The following IGSF8 variants were observed in gnomAD, a reference collection of about 807,000 sequenced individuals.
IGSF8 encodes immunoglobulin superfamily member 8.
Under a neutral mutation model 55.5 loss-of-function variants are expected in IGSF8, and 46 were observed. The observed-to-expected ratio is 0.83, with a 90% CI of 0.65 to 1.06. IGSF8 has a LOEUF of 1.06. Among genes scored for constraint, IGSF8 ranks in the 50% least tolerant of loss-of-function variants. IGSF8 has a pLI of 0.00. For synonymous variants in IGSF8, 314 were observed against 356.1 expected, an observed-to-expected ratio of 0.88 and a Z score of 1.33; for missense variants, 731 against 832.3, an observed-to-expected ratio of 0.88 and a Z score of 1.50.
chr1:160,095,733 C>T (rs1316615312), intron 1 of IGSF8, among the ~76,000 whole-genome samples: 1 of 152,244 alleles, frequency 6.6e-6, no homozygotes, highest in African/African-American at 2.4e-5. Context: ...AGCTGTGTCA[C>T]CTGGGCGAGA....
intron 3 of IGSF8, 72 bp downstream of exon 3, chr1:160,093,638 C>T (rs1210682265): frequency 3.2e-6 from 4 of 1,246,420 alleles, no homozygotes; most frequent in Non-Finnish European, 3.4e-6. Flanking sequence ...TCTGGTACCC[C>T]CTGTGGCCAC....
rs1398209515 is a variant in IGSF8 at position 160,095,119 on chromosome 1, C to A, written c.192G>T (p.Trp64Cys). 1.2e-6 allele frequency: 2 copies of A among 1,613,976 alleles called. No homozygotes were observed. The highest frequency in any genetic ancestry group is 3.3e-5 in the Admixed American group (2 of 60,010). The change falls in exon 2 of 7, where the codon TGG (tryptophan) becomes TGT (cysteine). Residue 64 changes from tryptophan (W) to cysteine (C), a missense_variant. By Grantham distance (215) the Trp-to-Cys change is radical (BLOSUM62 -2). Coordinates refer to ENST00000314485, the MANE Select transcript of IGSF8 (RefSeq NM_052868.6). ...YEGPAQQNFE[W>C]FLYRPEAPDT... is the part of the protein sequence containing the mutation. ...CTGGGGCCTCGGGCCTATACAGGAA[C>A]CACTCGAAGTTCTGCTGGGCAGGGC...
Position 160,094,908 on chromosome 1 carries a change from G to C in IGSF8, c.403C>G (p.Arg135Gly). The C allele has an allele frequency of 6.2e-7, 1 of 1,613,880 alleles. No individual in the cohort carries two copies. The highest frequency in any genetic ancestry group is 8.5e-7 in the Non-Finnish European group (1 of 1,179,938). Residue 135 changes from arginine (R) to glycine (G), a missense_variant, in exon 2 of 7, where the codon CGC (arginine) becomes GGC (glycine). Coordinates refer to ENST00000314485, the MANE Select transcript of IGSF8 (RefSeq NM_052868.6). The surrounding 1 kb of genome is among the most constrained non-coding windows in gnomAD (Gnocchi z 4.0). ...TTGCCGCTGTAGCTGCCCAGGTAGC[G>C]GGTATCAGTGGAGGGGGTGTGGCAC... ...YECHTPSTDT[R>G]YLGSYSGKVE...
chr1:160,098,047 C>T, intron 1 of IGSF8: 1 of 909,412 alleles, frequency 1.1e-6, no homozygotes, highest in South Asian at 5.1e-5. Flanking sequence ...GGCGGGCACC[C>T]AAGGCCAGGC....
rs974028877 is a variant in IGSF8, at chr1:160,094,419, C to G, written c.443-248G>C. On this transcript the variant is annotated intron_variant, in intron 2 of 6. Transcript: ENST00000314485. The surrounding 1 kb of genome is among the most constrained non-coding windows in gnomAD (Gnocchi z 4.0). ...ACTCACCCTTATGTTTGAGACTGAC[C>G]TCTGTTTGAAATACTGAGAAAAGCG... 2.0e-5 allele frequency among the ~76,000 whole-genome samples: 3 copies of G among 152,176 alleles called. No homozygotes were observed. Among genetic ancestry groups the G allele is most frequent in the Non-Finnish European group, 2.9e-5 (2 of 68,036 alleles).
In IGSF8 at chr1:160,094,025, GTGTGTGCTTC is replaced by G. The variant is rs751452126; in HGVS notation, c.579_588del (p.Gln193HisfsTer61). ...GATCGCCCAAAGGACACTGCCAGGT[GTGTGTGCTTC>G]TGTGTGCTTGTCCTCGCCAGGCAGC... On this transcript the variant is annotated frameshift_variant, in exon 3 of 7. Coordinates refer to ENST00000314485, the MANE Select transcript of IGSF8 (RefSeq NM_052868.6). LOFTEE classifies it high-confidence loss of function. This position sits in a 1 kb window ranked among gnomAD's most constrained non-coding sequence, Gnocchi z 4.0. 5 of 1,614,186 alleles carry G rather than the reference GTGTGTGCTTC, an allele frequency of 3.1e-6. No individual in the cohort carries two copies. The highest frequency in any genetic ancestry group is 3.4e-6 in the Non-Finnish European group (4 of 1,180,048).
In IGSF8 at chr1:160,095,214, G is replaced by A; in HGVS notation, c.97C>T (p.Pro33Ser). 3 of 1,606,164 alleles carry A rather than the reference G, an allele frequency of 1.9e-6. No individual in the cohort carries two copies. Among genetic ancestry groups the A allele is most frequent in the Non-Finnish European group, 1.7e-6 (2 of 1,179,694 alleles). Residue 33 changes from proline (P) to serine (S), a missense_variant, in exon 2 of 7, where the codon CCC becomes TCC. Physicochemically the swap from Pro to Ser is moderately conservative, Grantham distance 74. Coordinates refer to ENST00000314485, the MANE Select transcript of IGSF8 (RefSeq NM_052868.6). The part of the protein sequence containing the change: ...MGCWAREVLV[P>S]EGPLYRVAGT... The stretch of plus-strand genomic sequence containing the variant: ...GCCACGCGGTACAAGGGCCCCTCGG[G>A]GACCAGCACCTCCCGGGCCCAGCAT...
Position 160,093,990 on chromosome 1 carries a change from C to A in IGSF8, c.624G>T (p.Glu208Asp), listed in dbSNP as rs1203147732. The A allele has an allele frequency of 1.2e-6, 2 of 1,614,260 alleles. No homozygotes were observed. ...GCAGAGTTGACCGCCCAACTGGTGC[C>A]TCGGGCACAGATCGCCCAAAGGACA... ...LAVSFGRSVP[E>D]APVGRSTLQE... The change falls in exon 3 of 7, where the codon GAG becomes GAT. Residue 208 changes from glutamate (E) to aspartate (D), a missense_variant. Transcript: ENST00000314485.
Position 160,095,228 on chromosome 1 carries a change from C to T in IGSF8, c.83G>A (p.Arg28Gln), listed in dbSNP as rs1436974059. ...LLMLGMGCWA[R>Q]EVLVPEGPLY... ...GGGCCCCTCGGGGACCAGCACCTCC[C>T]GGGCCCAGCATCCCATTCCTGTAGG... Residue 28 changes from arginine to glutamine, a missense_variant, in exon 2 of 7, where the codon CGG becomes CAG. Physicochemically the swap from Arg to Gln is conservative, Grantham distance 43. Coordinates refer to ENST00000314485, the MANE Select transcript of IGSF8 (RefSeq NM_052868.6). 8.1e-6 allele frequency: 13 copies of T among 1,602,864 alleles called. No homozygotes were observed. The highest frequency in any genetic ancestry group is 1.1e-5 in the South Asian group (1 of 91,064).
In IGSF8 at chr1:160,094,462, G is replaced by A. The variant is rs1261379125; in HGVS notation, c.443-291C>T. On this transcript the variant is annotated intron_variant, in intron 2 of 6. Coordinates refer to ENST00000314485, the MANE Select transcript of IGSF8 (RefSeq NM_052868.6). This position sits in a 1 kb window ranked among gnomAD's most constrained non-coding sequence, Gnocchi z 4.0. ...GAAAAGCGGCTCTTTCTTCTCAGAAGACAAAGAAACTTAAGAGAGTGAGAA... is the reference window on the plus strand; with the variant it reads ...GAAAAGCGGCTCTTTCTTCTCAGAAAACAAAGAAACTTAAGAGAGTGAGAA... Among the ~76,000 whole-genome samples, 1 of 152,138 alleles carries A rather than the reference G, an allele frequency of 6.6e-6. No homozygotes were observed. Among genetic ancestry groups the A allele is most frequent in the Non-Finnish European group, 1.5e-5 (1 of 68,024 alleles).
intron 5 of IGSF8, 29 bp downstream of exon 5, chr1:160,092,253 G>A: frequency 6.2e-7 from 1 of 1,609,880 alleles, no homozygotes; most frequent in Non-Finnish European, 8.5e-7. Context: ...GGAAGGCAGA[G>A]TGAGGAGGGT....
chr1:160,091,654 G>A, intron 6 of IGSF8, 46 bp from the exon 7 acceptor site: 1 of 622,078 alleles, frequency 1.6e-6, no homozygotes, highest in Non-Finnish European at 2.9e-6. Flanking sequence ...AGCCCTGAGT[G>A]GGGCTCCCTC....
intron 4 of IGSF8, 106 bp from the exon 5 acceptor site, chr1:160,092,801 T>G: frequency 6.7e-7 from 1 of 1,499,178 alleles, no homozygotes; most frequent in Non-Finnish European, 9.0e-7. Context: ...CCCACAATCT[T>G]GGTAGAAGAG....
chr1:160,096,696 T>A (rs1418828193), intron 1 of IGSF8, among the ~76,000 whole-genome samples: 1 of 152,226 alleles, frequency 6.6e-6, no homozygotes. Flanking sequence ...ACCATCCCCA[T>A]GCCCAGCTGT....
rs868445493 is a variant in IGSF8, at chr1:160,091,584, G to A, written c.*40C>T. 3.5e-4 allele frequency: 182 copies of A among 513,090 alleles called. No individual in the cohort carries two copies. Among genetic ancestry groups the A allele is most frequent in the Middle Eastern group, 1.6e-3 (3 of 1,864 alleles). The allele number at this position is 513,090 out of a possible 1,614,324, so 31.8% of individuals were successfully genotyped here. A position where few individuals can be genotyped will look rare whatever the true frequency, so the allele number is the denominator to read the frequency against. Reference sequence around the variant, plus strand: ...CCAGAGGAGGGCTTGGAGCTGGGCCGGAAGACAGTCGACACCTGCAAGACC... The same window carrying A: ...CCAGAGGAGGGCTTGGAGCTGGGCCAGAAGACAGTCGACACCTGCAAGACC... On this transcript the variant is annotated 3_prime_UTR_variant, in exon 7 of 7. Coordinates refer to ENST00000314485, the MANE Select transcript of IGSF8 (RefSeq NM_052868.6).
chr1:160,094,188 G>A lies in IGSF8; in HGVS notation c.443-17C>T, dbSNP rs1245706254. On this transcript the variant is annotated splice_polypyrimidine_tract_variant and intron_variant, in intron 2 of 6. Coordinates refer to ENST00000314485, the MANE Select transcript of IGSF8 (RefSeq NM_052868.6). The surrounding 1 kb of genome is among the most constrained non-coding windows in gnomAD (Gnocchi z 4.0). ...CTGGAAGAACTGGAGAGAACAGCTG[G>A]AGTGAGGGAGGGCTGGGAGCTGGCA... The A allele has an allele frequency of 2.0e-6, 3 of 1,535,434 alleles. No homozygotes were observed. The highest frequency in any genetic ancestry group is 2.3e-5 in the South Asian group (2 of 87,032).
chr1:160,098,524 G>C lies in IGSF8; in HGVS notation c.-52C>G. On this transcript the variant is annotated 5_prime_UTR_variant, in exon 1 of 7. Coordinates refer to ENST00000314485, the MANE Select transcript of IGSF8 (RefSeq NM_052868.6). ...CCGGGGGATGGCGCGGGTTCTGGGG[G>C]GCCGGAAGGGTGGGGGGCGCATGCC... is the stretch of plus-strand genomic sequence containing the variant. 1 of 1,394,664 alleles carries C rather than the reference G, an allele frequency of 7.2e-7. No individual in the cohort carries two copies. Among genetic ancestry groups the C allele is most frequent in the Non-Finnish European group, 9.7e-7 (1 of 1,030,440 alleles). 86.4% of individuals were successfully genotyped at this position (1,394,664 alleles called of 1,614,324 possible). A position where few individuals can be genotyped will look rare whatever the true frequency, so the allele number is the denominator to read the frequency against.
At chr1:160,095,920 G>A (rs1381969043) in intron 1 of IGSF8, among the ~76,000 whole-genome samples, 1 of 152,242 alleles carries the variant, frequency 6.6e-6, no homozygotes, top group Non-Finnish European at 1.5e-5. Flanking sequence ...ATTGGGGGCA[G>A]AAGATCCCCT....
At position 160,098,590 on chromosome 1, in the gene IGSF8, G is replaced by C. The variant is rs1047535069; in HGVS notation, c.-118C>G. On this transcript the variant is annotated 5_prime_UTR_variant, in exon 1 of 7. Transcript: ENST00000314485. ...AAGCGGGGCAGCGAGGCGTGGGTGC[G>C]CCGAGCGAGCTGAACTGGAGCTGCC... The C allele has an allele frequency of 5.6e-5, 37 of 657,666 alleles. No homozygotes were observed. In the Admixed American group the frequency reaches 6.1e-4, roughly 11 times the overall value. 40.7% of individuals were successfully genotyped at this position (657,666 alleles called of 1,614,324 possible). A position where few individuals can be genotyped will look rare whatever the true frequency, so the allele number is the denominator to read the frequency against.
Sources: allele counts gnomAD v4.1 joint callset (sites outside exome capture counted in the v4.1 genomes callset), GRCh38; gene constraint gnomAD v4.1.1; non-coding constraint Gnocchi (gnomAD v3.1); transcripts MANE v1.5; gene names NCBI Gene and HGNC (gene_info 2026-07-23, HGNC 2026-07-21).